HSDL2: variants seen among roughly 807,000 people sequenced by gnomAD.
The protein encoded by HSDL2 is hydroxysteroid dehydrogenase like 2, also known as hydroxysteroid dehydrogenase-like protein 2.
HSDL2 carries 27 observed loss-of-function variants against 46.3 expected under a neutral mutation model. The ratio of observed to expected loss-of-function variants is 0.58; its 90% confidence interval spans 0.43 to 0.80. The LOEUF (loss-of-function observed/expected upper bound fraction) is 0.80. Ranked by LOEUF, HSDL2 falls within the 30% of genes least tolerant of loss-of-function variation. The probability of loss-of-function intolerance (pLI) is 0.00; values close to 1 mark genes in which losing one functional copy is unlikely to be tolerated. For missense variants in HSDL2, 451 were observed against 502.7 expected (o/e 0.90, Z 0.98); for synonymous variants, 153 against 163.6 (o/e 0.94, Z 0.50).
At chr9:112,423,699 A>G (rs1022305438) in intron 6 of HSDL2, among the ~76,000 whole-genome samples, 2 of 151,254 alleles carry the variant, frequency 1.3e-5, no homozygotes, top group African/African-American at 4.9e-5. Context: ...GGCAGCTACA[A>G]TTCTAGATGG....
intron 2 of HSDL2, 61 bp from the exon 3 acceptor site, chr9:112,405,563 G>A: frequency 8.6e-7 from 1 of 1,168,328 alleles, no homozygotes; most frequent in Non-Finnish European, 1.2e-6. Context: ...TGTGATATTG[G>A]AATTAAAGGT....
At position 112,397,000 on chromosome 9, in the gene HSDL2, G is replaced by A. The variant is rs547767706; in HGVS notation, c.18-6995G>A. ...CCGATTTCCCTGGTTCTGTGGCAAG[G>A]GATTTCCATCTATATCAGACTTAGA... On this transcript the variant is annotated intron_variant, in intron 1 of 10. Coordinates refer to ENST00000398805, the MANE Select transcript of HSDL2 (RefSeq NM_032303.5). Among the ~76,000 whole-genome samples, 97 of 152,284 alleles carry A rather than the reference G, an allele frequency of 6.4e-4. 1 individual carries two copies. Among genetic ancestry groups the A allele is most frequent in the African/African-American group, 2.2e-3 (93 of 41,558 alleles).
At chr9:112,408,787 A>G in intron 3 of HSDL2, 120 bp from the exon 4 acceptor site, 1 of 556,374 alleles carries the variant, frequency 1.8e-6, no homozygotes, top group Non-Finnish European at 3.2e-6. Flanking sequence ...GTTGATTGAA[A>G]TGTTAGGTGT....
At chr9:112,435,181 G>A (rs966345890) in intron 6 of HSDL2, among the ~76,000 whole-genome samples, 3 of 151,978 alleles carry the variant, frequency 2.0e-5, no homozygotes, top group Non-Finnish European at 2.9e-5. Flanking sequence ...TAGAAAGATT[G>A]TTAAAGTAAT....
chr9:112,436,854 C>A (rs2132668238), intron 6 of HSDL2, among the ~76,000 whole-genome samples: 1 of 151,882 alleles, frequency 6.6e-6, no homozygotes, highest in Middle Eastern at 3.4e-3. Context: ...GTACACCTAA[C>A]ATGGTAAAAA....
At chr9:112,450,322 C>T (rs1464583771) in intron 8 of HSDL2, among the ~76,000 whole-genome samples, 2 of 130,830 alleles carry the variant, frequency 1.5e-5, no homozygotes, top group South Asian at 4.9e-4. Flanking sequence ...AAGTTTAATA[C>T]AGAAGTATAA....
At chr9:112,454,281 C>G (rs2132693669) in intron 9 of HSDL2, 119 bp downstream of exon 9, 2 of 717,916 alleles carry the variant, frequency 2.8e-6, no homozygotes, top group South Asian at 1.9e-5. Flanking sequence ...AAGACCCTTA[C>G]TCTTGAATGT....
intron 1 of HSDL2, among the ~76,000 whole-genome samples, chr9:112,395,616 TA>T (rs1319485367): frequency 6.6e-6 from 1 of 152,238 alleles, no homozygotes; most frequent in African/African-American, 2.4e-5. Flanking sequence ...CTGATTTATG[TA>T]AAGCAATATG....
chr9:112,401,131 G>T (rs1831581560), intron 1 of HSDL2, among the ~76,000 whole-genome samples: 1 of 152,060 alleles, frequency 6.6e-6, no homozygotes, highest in African/African-American at 2.4e-5. Context: ...TTACCAGGAA[G>T]TTATTTTAGA....
In HSDL2 at chr9:112,430,650, G is replaced by A. The variant is rs111457502; in HGVS notation, c.599-7781G>A. 1.4e-4 allele frequency among the ~76,000 whole-genome samples: 21 copies of A among 152,318 alleles called. 1 individual carries two copies. The highest frequency in any genetic ancestry group is 5.1e-4 in the African/African-American group (21 of 41,576). ...TGTGACCAGGATGACAGCAGTAAAG[G>A]TGGTGGACAGTGGCCAGATTCTGAT... On this transcript the variant is annotated intron_variant, in intron 6 of 10. Coordinates refer to ENST00000398805, the MANE Select transcript of HSDL2 (RefSeq NM_032303.5).
chr9:112,442,643 A>C (rs975031566), intron 8 of HSDL2, among the ~76,000 whole-genome samples: 1 of 152,176 alleles, frequency 6.6e-6, no homozygotes, highest in African/African-American at 2.4e-5. Flanking sequence ...TTTAATGAAT[A>C]CCTGTGGGAA....
chr9:112,454,458 T>A (rs891640818), intron 9 of HSDL2, among the ~76,000 whole-genome samples: 1 of 151,600 alleles, frequency 6.6e-6, no homozygotes, highest in Non-Finnish European at 1.5e-5. Context: ...CTCCCAATGA[T>A]TTTTATTTCT....
chr9:112,464,490 C>T (rs1032526765), intron 10 of HSDL2, among the ~76,000 whole-genome samples: 1 of 151,844 alleles, frequency 6.6e-6, no homozygotes, highest in Non-Finnish European at 1.5e-5. Flanking sequence ...TCTTTTTTAC[C>T]GTTGTGAAAT....
chr9:112,470,354 T>C (rs1816071963), intron 10 of HSDL2, 78 bp from the exon 11 acceptor site: 1 of 803,018 alleles, frequency 1.2e-6, no homozygotes, highest in South Asian at 1.7e-5. Context: ...AGATTCTTTT[T>C]ACAATGCGTG....
chr9:112,442,109 C>CA (rs1032255486), intron 8 of HSDL2, among the ~76,000 whole-genome samples: 93 of 145,128 alleles, frequency 6.4e-4, no homozygotes, highest in Non-Finnish European at 9.6e-4. Flanking sequence ...AAAAAAAATA[C>CA]AAAAAAAAAA....
At chr9:112,402,030 T>C (rs540486832) in intron 1 of HSDL2, among the ~76,000 whole-genome samples, 1 of 152,092 alleles carries the variant, frequency 6.6e-6, no homozygotes, top group African/African-American at 2.4e-5. Context: ...CGTGCAAGAG[T>C]TTTATGTTCC....
At chr9:112,407,785 T>C (rs899951644) in intron 3 of HSDL2, among the ~76,000 whole-genome samples, 10 of 152,214 alleles carry the variant, frequency 6.6e-5, no homozygotes, top group Non-Finnish European at 1.3e-4. Flanking sequence ...CCATCCTATT[T>C]TTAAGTGTAC....
intron 6 of HSDL2, among the ~76,000 whole-genome samples, chr9:112,421,393 CAG>C (rs1427147450): frequency 6.6e-6 from 1 of 152,016 alleles, no homozygotes; most frequent in African/African-American, 2.4e-5. Context: ...GGAATTTAAA[CAG>C]AAAATCAACA....
intron 8 of HSDL2, among the ~76,000 whole-genome samples, chr9:112,444,761 C>T (rs932343739): frequency 5.3e-5 from 8 of 150,122 alleles, no homozygotes; most frequent in Non-Finnish European, 1.2e-4. Context: ...AACGAAAATG[C>T]AATACCATTA....
Sources: gnomAD v4.1 joint callset for allele counts (sites outside exome capture counted in the v4.1 genomes callset) on GRCh38, gnomAD v4.1.1 for gene constraint, MANE v1.5 for transcripts, NCBI Gene and HGNC (gene_info 2026-07-23, HGNC 2026-07-21) for gene names.